Variants in KLF7 observed in about 807,000 individuals in gnomAD.
KLF7 encodes the protein KLF transcription factor 7, also known as Krueppel-like factor 7.
A neutral mutation model predicts 27.3 loss-of-function variants in KLF7; 2 were observed. The ratio of observed to expected loss-of-function variants is 0.07; its 90% CI spans 0.03 to 0.23. The LOEUF (loss-of-function observed/expected upper bound fraction) is 0.23. Among genes scored for constraint, KLF7 ranks in the 10% least tolerant of loss-of-function variants. The pLI is 1.00. For missense variants in KLF7, 221 were observed against 394.1 expected (o/e 0.56, Z 3.72); for synonymous variants, 165 against 162.4 (o/e 1.02, Z -0.12).
rs1284061831 is a variant in KLF7, at chr2:207,074,163, G to C, written c.*7050C>G. On this transcript the variant is annotated 3_prime_UTR_variant, in exon 4 of 4. Coordinates refer to ENST00000309446, the MANE Select transcript of KLF7 (RefSeq NM_003709.4). ...TTCTAAAGTAAACATTTATTGGAAA[G>C]TTTCTTGTCAGATTCATTTGATTAG... 6.6e-6 allele frequency: 1 copy of C among 152,200 alleles called. No homozygotes were observed. The highest frequency in any genetic ancestry group is 1.5e-5 in the Non-Finnish European group (1 of 68,048). The allele number at this position is 152,200 out of a possible 1,614,324, so 9.4% of individuals were successfully genotyped here.
chr2:207,105,448 G>C, intron 2 of KLF7, among the ~76,000 whole-genome samples: 1 of 152,220 alleles, frequency 6.6e-6, no homozygotes, highest in Non-Finnish European at 1.5e-5. Context: ...CCCAGGGATA[G>C]ACACCCAGCT....
At chr2:207,142,071 G>A (rs1350959241) in intron 1 of KLF7, among the ~76,000 whole-genome samples, 1 of 152,074 alleles carries the variant, frequency 6.6e-6, no homozygotes, top group Admixed American at 6.5e-5. Context: ...AGCAGGAAGA[G>A]GCAAGAGCTC....
intron 1 of KLF7, among the ~76,000 whole-genome samples, chr2:207,163,494 C>A (rs924555182): frequency 6.6e-6 from 1 of 152,140 alleles, no homozygotes; most frequent in African/African-American, 2.4e-5. Context: ...GTTGTCAAAC[C>A]GATGATGTTT....
chr2:207,077,698 A>C lies in KLF7; in HGVS notation c.*3515T>G, dbSNP rs2076199641. The stretch of plus-strand genomic sequence containing the variant: ...AGCCATTAACCATGGGTGGGGCAGG[A>C]GGCCAGTAGCTAGGAGCAGCATTAT... On this transcript the variant is annotated 3_prime_UTR_variant, in exon 4 of 4. Transcript: ENST00000309446. 6.6e-6 allele frequency: 1 copy of C among 152,198 alleles called. No individual in the cohort carries two copies. Among genetic ancestry groups the C allele is most frequent in the Non-Finnish European group, 1.5e-5 (1 of 68,048 alleles). The allele number at this position is 152,198 out of a possible 1,614,324, so 9.4% of individuals were successfully genotyped here.
intron 1 of KLF7, among the ~76,000 whole-genome samples, chr2:207,156,063 A>T (rs2078374180): frequency 1.3e-5 from 2 of 151,166 alleles, no homozygotes; most frequent in South Asian, 4.2e-4. Context: ...AGCTGGGTTG[A>T]GCTTTCCAAA....
At chr2:207,160,957 T>TG (rs1222995782) in intron 1 of KLF7, among the ~76,000 whole-genome samples, 2 of 152,074 alleles carry the variant, frequency 1.3e-5, no homozygotes, top group African/African-American at 2.4e-5. Context: ...GGGTAAGGAG[T>TG]GGGGGTGGGA....
At chr2:207,166,932 C>T (rs990340827), upstream of KLF7, 15 of 827,388 alleles carry the variant, frequency 1.8e-5, no homozygotes, top group Non-Finnish European at 2.0e-5. Context: ...CCCGCCCCGC[C>T]CCGCGGGCGC....
chr2:207,159,417 C>G (rs2078478634), intron 1 of KLF7, among the ~76,000 whole-genome samples: 1 of 152,194 alleles, frequency 6.6e-6, no homozygotes, highest in Non-Finnish European at 1.5e-5. Flanking sequence ...CAACACAGAA[C>G]TGAATGTTTC....
intron 2 of KLF7, among the ~76,000 whole-genome samples, chr2:207,120,034 C>T (rs1405566260): frequency 6.6e-6 from 1 of 152,162 alleles, no homozygotes; most frequent in African/African-American, 2.4e-5. Flanking sequence ...CTAAATCCTG[C>T]TACTTCATAA....
chr2:207,081,777 A>G (rs2076277677), intron 3 of KLF7, among the ~76,000 whole-genome samples: 1 of 151,964 alleles, frequency 6.6e-6, no homozygotes, highest in African/African-American at 2.4e-5. Flanking sequence ...TTTCAACCCT[A>G]AACTTTACAA....
At chr2:207,119,182 C>T (rs2077269127) in intron 2 of KLF7, among the ~76,000 whole-genome samples, 1 of 152,220 alleles carries the variant, frequency 6.6e-6, no homozygotes, top group Admixed American at 6.5e-5. Flanking sequence ...GGCTTCTTCA[C>T]ATCTCCCTTC....
upstream of KLF7, among the ~76,000 whole-genome samples, chr2:207,170,100 CTG>C (rs1251954956): frequency 1.3e-4 from 20 of 151,570 alleles, no homozygotes; most frequent in South Asian, 4.0e-3. Context: ...GTTGGCCACT[CTG>C]TGAATGGAAA....
At chr2:207,114,198 C>T (rs1448147233) in intron 2 of KLF7, among the ~76,000 whole-genome samples, 1 of 152,194 alleles carries the variant, frequency 6.6e-6, no homozygotes, top group East Asian at 1.9e-4. Context: ...ACACTAGGAA[C>T]ATAAAATGTC....
intron 2 of KLF7, among the ~76,000 whole-genome samples, chr2:207,114,546 A>G (rs553776507): frequency 2.6e-5 from 4 of 152,350 alleles, no homozygotes; most frequent in Non-Finnish European, 5.9e-5. Context: ...TCTACACTCA[A>G]ATATGTACCA....
At chr2:207,172,895 T>G in the KLF7 span, among the ~76,000 whole-genome samples, 2 of 152,234 alleles carry the variant, frequency 1.3e-5, no homozygotes, top group Non-Finnish European at 2.9e-5. Context: ...TGTAAATGTT[T>G]GCCACTATGA....
chr2:207,101,776 T>C (rs2076770355), intron 2 of KLF7, among the ~76,000 whole-genome samples: 2 of 152,082 alleles, frequency 1.3e-5, no homozygotes, highest in Admixed American at 1.3e-4. Flanking sequence ...TCTGATAGAG[T>C]TGGGCACTCC....
At chr2:207,151,885 A>G (rs538866981) in intron 1 of KLF7, among the ~76,000 whole-genome samples, 28 of 152,256 alleles carry the variant, frequency 1.8e-4, no homozygotes, top group African/African-American at 6.5e-4. Context: ...TTTAATCAGG[A>G]AAAGAATGAC....
At chr2:207,143,536 T>A (rs1300336618) in intron 1 of KLF7, among the ~76,000 whole-genome samples, 1 of 152,170 alleles carries the variant, frequency 6.6e-6, no homozygotes, top group East Asian at 1.9e-4. Context: ...CTCTCTCTGT[T>A]GATGTTTTTC....
At chr2:207,165,325 C>T in intron 1 of KLF7, 142 bp downstream of exon 1, 1 of 1,239,158 alleles carries the variant, frequency 8.1e-7, no homozygotes, top group East Asian at 2.5e-5. Flanking sequence ...TTTCAGAAAA[C>T]ATTTTCAACA....
Sources: gnomAD v4.1 joint callset for allele counts (sites outside exome capture counted in the v4.1 genomes callset) on GRCh38, gnomAD v4.1.1 for gene constraint, MANE v1.5 for transcripts, NCBI Gene and HGNC (gene_info 2026-07-23, HGNC 2026-07-21) for gene names.